ASH1L: variants seen among roughly 807,000 people sequenced by gnomAD.
ASH1L encodes the protein histone-lysine N-methyltransferase ASH1L.
ASH1L carries 23 observed loss-of-function variants against 269.0 expected under a neutral mutation model. The observed-to-expected ratio is 0.09, with a 90% CI of 0.06 to 0.12. ASH1L has a LOEUF of 0.12. Among genes scored for constraint, ASH1L ranks in the 10% least tolerant of loss-of-function variants. The pLI is 1.00. For synonymous variants in ASH1L, 1,187 were observed against 1,253.5 expected (o/e 0.95, Z 1.12); for missense variants, 2,912 against 3,567.8 (o/e 0.82, Z 4.68).
At chr1:155,339,231 C>T in intron 26 of ASH1L, 97 bp downstream of exon 26, 2 of 1,124,510 alleles carry the variant, frequency 1.8e-6, no homozygotes, top group Middle Eastern at 2.0e-4. Flanking sequence ...ATACCCAGTC[C>T]TAGAAGTGGA....
At position 155,449,180 on chromosome 1, in the gene ASH1L, C is replaced by T. The variant is rs180956062; in HGVS notation, c.5087-10112G>A. On this transcript the variant is annotated intron_variant, in intron 4 of 27. Coordinates refer to ENST00000392403, the MANE Select transcript of ASH1L (RefSeq NM_018489.3). ...CGATCTCTTGACCTCATGATCCACTCGCCTTGGCCTCCCAAAGTGCTGGGA... is the reference window on the plus strand; with the variant it reads ...CGATCTCTTGACCTCATGATCCACTTGCCTTGGCCTCCCAAAGTGCTGGGA... 3.3e-3 allele frequency among the ~76,000 whole-genome samples: 500 copies of T among 152,178 alleles called. 2 individuals carry two copies. The highest frequency in any genetic ancestry group is 0.012 in the African/African-American group (480 of 41,518).
At chr1:155,359,553 G>A (rs1374790398) in intron 13 of ASH1L, among the ~76,000 whole-genome samples, 2 of 152,036 alleles carry the variant, frequency 1.3e-5, no homozygotes, top group Admixed American at 1.3e-4. Context: ...GGGATTACAG[G>A]CGCGAGCCAC....
chr1:155,465,069 A>T (rs971818326), intron 3 of ASH1L, among the ~76,000 whole-genome samples: 4 of 152,162 alleles, frequency 2.6e-5, no homozygotes, highest in African/African-American at 9.7e-5. Context: ...CAAACCAAAG[A>T]TATAAAAGTA....
intron 1 of ASH1L, among the ~76,000 whole-genome samples, chr1:155,538,354 G>T (rs1411855750): frequency 1.5e-5 from 2 of 129,696 alleles, no homozygotes; most frequent in South Asian, 5.4e-4. Context: ...TTTTTTGTTT[G>T]TTTGTTTGTT....
intron 7 of ASH1L, among the ~76,000 whole-genome samples, chr1:155,382,128 A>T (rs1289110706): frequency 6.6e-6 from 1 of 151,652 alleles, no homozygotes; most frequent in Non-Finnish European, 1.5e-5. Context: ...AATTGTTTGA[A>T]CTGGGAGGTG....
chr1:155,495,021 C>A (rs541169010), intron 2 of ASH1L, among the ~76,000 whole-genome samples: 1 of 152,224 alleles, frequency 6.6e-6, no homozygotes, highest in South Asian at 2.1e-4. Flanking sequence ...ATGCTGCTGA[C>A]AAGTCAAGTA....
chr1:155,343,513 A>G lies in ASH1L; in HGVS notation c.8121-27T>C. 6.2e-7 allele frequency: 1 copy of G among 1,613,010 alleles called. No homozygotes were observed. Among genetic ancestry groups the G allele is most frequent in the Non-Finnish European group, 8.5e-7 (1 of 1,179,250 alleles). On this transcript the variant is annotated intron_variant, in intron 23 of 27. Transcript: ENST00000392403. The surrounding 1 kb of genome is among the most constrained non-coding windows in gnomAD (Gnocchi z 6.1). ...TAAAACAATGGAAAAGTGAGAAGGG[A>G]GAGGTTTAGCTGATTAGCAAGATCC...
At chr1:155,371,023 T>G in intron 10 of ASH1L, 40 bp from the exon 11 acceptor site, 1 of 1,576,538 alleles carries the variant, frequency 6.3e-7, no homozygotes, top group Non-Finnish European at 8.7e-7. Flanking sequence ...ACTTACATGA[T>G]ACATACCTTG....
intron 5 of ASH1L, among the ~76,000 whole-genome samples, chr1:155,437,626 G>A (rs1662208694): frequency 1.3e-5 from 2 of 152,136 alleles, no homozygotes; most frequent in South Asian, 4.1e-4. Flanking sequence ...GTTAAAGCAG[G>A]GTCTGAAAGA....
rs140754812 is a variant in ASH1L at position 155,450,410 on chromosome 1, A to G, written c.5086+9387T>C. On this transcript the variant is annotated intron_variant, in intron 4 of 27. Transcript: ENST00000392403. ...CTATTCCCAATTTGTTCTTTATGAG[A>G]CTCTATCCCATGTATATTAGCCCTC... Among the ~76,000 whole-genome samples the G allele has an allele frequency of 1.6e-4, 24 of 152,198 alleles. No individual in the cohort carries two copies. The East Asian group carries it at 4.6e-3, about 29-fold the overall frequency.
At chr1:155,487,184 A>T (rs1044014531) in intron 2 of ASH1L, among the ~76,000 whole-genome samples, 2 of 152,188 alleles carry the variant, frequency 1.3e-5, no homozygotes, top group Admixed American at 1.3e-4. Context: ...ACAAACATAC[A>T]AAAAGCCTCA....
chr1:155,518,762 G>GGGGAGAGGCAGAGACAGGGAGCAGGAGA (rs1668665180), intron 2 of ASH1L, among the ~76,000 whole-genome samples: 1 of 150,916 alleles, frequency 6.6e-6, no homozygotes, highest in Non-Finnish European at 1.5e-5. Context: ...GGGAAGAGAG[G>GGGGAGAGGCAGAGACAGGGAGCAGGAGA]GGGAGAGGCA....
chr1:155,433,090 T>G (rs1330398083), intron 5 of ASH1L: 4 of 1,292,266 alleles, frequency 3.1e-6, no homozygotes, highest in Non-Finnish European at 4.2e-6. Context: ...TAAACTGCTA[T>G]GACAGAGATA....
intron 3 of ASH1L, among the ~76,000 whole-genome samples, chr1:155,463,655 A>G (rs1289328324): frequency 6.6e-6 from 1 of 152,074 alleles, no homozygotes; most frequent in African/African-American, 2.4e-5. Flanking sequence ...TTAGCTGGGC[A>G]TAGTGGTGCA....
intron 2 of ASH1L, among the ~76,000 whole-genome samples, chr1:155,508,448 A>T (rs1371316338): frequency 6.6e-6 from 1 of 152,108 alleles, no homozygotes; most frequent in Non-Finnish European, 1.5e-5. Context: ...AGACATGCCT[A>T]GCCAACATGG....
intron 2 of ASH1L, among the ~76,000 whole-genome samples, chr1:155,519,608 C>T (rs929453295): frequency 2.6e-5 from 4 of 152,108 alleles, no homozygotes; most frequent in Admixed American, 6.5e-5. Context: ...TATGATTACA[C>T]CTATATGAGT....
intron 2 of ASH1L, among the ~76,000 whole-genome samples, chr1:155,495,298 G>T (rs1454397365): frequency 6.6e-6 from 1 of 152,126 alleles, no homozygotes; most frequent in Non-Finnish European, 1.5e-5. Flanking sequence ...TTTTGTCATT[G>T]TATGATCATA....
At chr1:155,408,062 A>G (rs1659440436) in intron 6 of ASH1L, among the ~76,000 whole-genome samples, 1 of 152,188 alleles carries the variant, frequency 6.6e-6, no homozygotes, top group Middle Eastern at 3.2e-3. Context: ...TTAAAGAAGC[A>G]GACTGTCTTT....
At chr1:155,410,251 C>A (rs1456313339) in intron 6 of ASH1L, among the ~76,000 whole-genome samples, 1 of 152,150 alleles carries the variant, frequency 6.6e-6, no homozygotes, top group African/African-American at 2.4e-5. Flanking sequence ...TTCAGTCTCA[C>A]AAGCAGCTGG....
Sources: allele counts gnomAD v4.1 joint callset (sites outside exome capture counted in the v4.1 genomes callset), GRCh38; gene constraint gnomAD v4.1.1; non-coding constraint Gnocchi (gnomAD v3.1); transcripts MANE v1.5; gene names NCBI Gene and HGNC (gene_info 2026-07-23, HGNC 2026-07-21).